ZNF2: variants seen among roughly 807,000 people sequenced by gnomAD.
ZNF2 encodes zinc finger protein 2.2.
In ZNF2, 12 loss-of-function variants were observed where a neutral mutation model predicts 21.9. The observed-to-expected ratio is 0.55, with a 90% CI of 0.35 to 0.89. ZNF2 has a LOEUF of 0.89. Among genes scored for constraint, ZNF2 ranks in the 40% least tolerant of loss-of-function variants. The pLI, the probability that ZNF2 is intolerant of heterozygous loss-of-function variation, is 0.01. For synonymous variants in ZNF2, 186 were observed against 196.3 expected, an observed-to-expected ratio of 0.95 and a Z score of 0.44; for missense variants, 462 against 544.2, an observed-to-expected ratio of 0.85 and a Z score of 1.50.
intron 3 of ZNF2, among the ~76,000 whole-genome samples, chr2:95,179,546 C>T (rs1047597092): frequency 4.6e-5 from 7 of 152,186 alleles, no homozygotes; most frequent in East Asian, 1.9e-4. Context: ...CCTAAGCCAA[C>T]GACCTTCATC....
At chr2:95,175,411 C>T (rs1217845152) in intron 1 of ZNF2, among the ~76,000 whole-genome samples, 1 of 152,136 alleles carries the variant, frequency 6.6e-6, no homozygotes, top group Non-Finnish European at 1.5e-5. Context: ...GATGGGACTG[C>T]GCTGGGCTTC....
chr2:95,167,430 C>T (rs1370078526), intron 1 of ZNF2, among the ~76,000 whole-genome samples: 8 of 148,584 alleles, frequency 5.4e-5, no homozygotes, highest in Admixed American at 1.4e-4. Flanking sequence ...GGCATGAACC[C>T]GGCAGGCGGA....
intron 1 of ZNF2, among the ~76,000 whole-genome samples, chr2:95,172,185 G>A (rs1573395175): frequency 6.6e-6 from 1 of 152,168 alleles, no homozygotes; most frequent in East Asian, 1.9e-4. Context: ...GGCACCGTCT[G>A]CCTAACACAT....
chr2:95,166,282 T>C (rs1674034251), intron 1 of ZNF2, among the ~76,000 whole-genome samples: 1 of 151,684 alleles, frequency 6.6e-6, no homozygotes, highest in African/African-American at 2.4e-5. Flanking sequence ...GAGGGCTTCA[T>C]GGAGGAGGTG....
At chr2:95,180,515 T>C (rs990709782) in intron 4 of ZNF2, among the ~76,000 whole-genome samples, 2 of 151,354 alleles carry the variant, frequency 1.3e-5, no homozygotes, top group Admixed American at 1.3e-4. Context: ...CTATTTCTTT[T>C]TTTTTTTTTT....
At position 95,181,715 on chromosome 2, in the gene ZNF2, A is replaced by G; in HGVS notation, c.887A>G (p.Gln296Arg). ...ECHQCGKAFS[Q>R]KSILTRHQLI... is the part of the protein sequence containing the mutation. The stretch of plus-strand genomic sequence containing the variant: ...CATCAGTGTGGGAAAGCCTTTAGCC[A>G]GAAAAGTATTCTTACTCGCCATCAG... Residue 296 changes from glutamine to arginine, a missense_variant, in exon 5 of 5, where the codon CAG becomes CGG. Gln to Arg is a conservative substitution (Grantham distance 43). Coordinates refer to ENST00000614034, the MANE Select transcript of ZNF2 (RefSeq NM_021088.4). The G allele has an allele frequency of 6.2e-7, 1 of 1,614,244 alleles. No individual in the cohort carries two copies. Among genetic ancestry groups the G allele is most frequent in the Non-Finnish European group, 8.5e-7 (1 of 1,180,044 alleles).
chr2:95,178,139 C>T (rs1674511289), intron 3 of ZNF2, among the ~76,000 whole-genome samples: 1 of 152,184 alleles, frequency 6.6e-6, no homozygotes, highest in African/African-American at 2.4e-5. Flanking sequence ...TCACAGAAGA[C>T]ACTTTGTAAT....
chr2:95,180,400 A>G, intron 4 of ZNF2, 128 bp downstream of exon 4: 1 of 618,402 alleles, frequency 1.6e-6, no homozygotes, highest in East Asian at 2.8e-5. Flanking sequence ...ATTGTATATC[A>G]CCCAATAGCT....
intron 2 of ZNF2, among the ~76,000 whole-genome samples, chr2:95,176,964 T>G (rs1032663530): frequency 2.0e-5 from 3 of 152,202 alleles, no homozygotes; most frequent in African/African-American, 7.2e-5. Context: ...GATTGTAGAT[T>G]AGATAATAGT....
chr2:95,178,828 C>A (rs1674536819), intron 3 of ZNF2, among the ~76,000 whole-genome samples: 2 of 152,024 alleles, frequency 1.3e-5, no homozygotes, highest in African/African-American at 4.8e-5. Context: ...TAAGGGAATT[C>A]ATTAAATAAA....
intron 1 of ZNF2, among the ~76,000 whole-genome samples, chr2:95,167,568 C>T (rs1167005057): frequency 1.3e-5 from 2 of 150,494 alleles, no homozygotes; most frequent in Non-Finnish European, 3.0e-5. Flanking sequence ...CATTGGTAGG[C>T]CAGGTGCGGT....
chr2:95,173,451 G>A (rs2104500290), intron 1 of ZNF2, among the ~76,000 whole-genome samples: 1 of 152,280 alleles, frequency 6.6e-6, no homozygotes, highest in Non-Finnish European at 1.5e-5. Context: ...TAGTCTATTG[G>A]TCTGTAATTG....
At chr2:95,177,690 T>C in intron 3 of ZNF2, 81 bp downstream of exon 3, 1 of 1,501,388 alleles carries the variant, frequency 6.7e-7, no homozygotes, top group Middle Eastern at 2.0e-4. Flanking sequence ...AATACCGTTC[T>C]CCTCCCCGCT....
Position 95,181,997 on chromosome 2 carries a change from T to C in ZNF2, c.1169T>C (p.Val390Ala). Residue 390 changes from valine to alanine, a missense_variant, in exon 5 of 5, where the codon GTC becomes GCC. Transcript: ENST00000614034. ...QRCRLTRHQR[V>A]HTGEKPFECT... ...TGCCGGCTCACGCGGCATCAGCGTGTCCACACGGGAGAGAAGCCCTTTGAA... is the reference window on the plus strand; with the variant it reads ...TGCCGGCTCACGCGGCATCAGCGTGCCCACACGGGAGAGAAGCCCTTTGAA... 2 of 1,614,282 alleles carry C rather than the reference T, an allele frequency of 1.2e-6. No individual in the cohort carries two copies. The highest frequency in any genetic ancestry group is 1.7e-6 in the Non-Finnish European group (2 of 1,180,052).
rs998203730 is a variant in ZNF2 at position 95,183,271 on chromosome 2, C to T, written c.*1165C>T. 6.6e-6 allele frequency: 1 copy of T among 152,190 alleles called. No homozygotes were observed. Among genetic ancestry groups the T allele is most frequent in the African/African-American group, 2.4e-5 (1 of 41,442 alleles). The allele number at this position is 152,190 out of a possible 1,614,324, so 9.4% of individuals were successfully genotyped here. On this transcript the variant is annotated 3_prime_UTR_variant, in exon 5 of 5. Transcript: ENST00000614034. The stretch of plus-strand genomic sequence containing the variant: ...GTCACCACAAGGGCGGAAGAGAAAG[C>T]TAGAGGAATTTGTAGGATATTTTCT...
chr2:95,176,199 T>C lies in ZNF2; in HGVS notation c.-28T>C. The C allele has an allele frequency of 6.2e-7, 1 of 1,614,158 alleles. No homozygotes were observed. Among genetic ancestry groups the C allele is most frequent in the Non-Finnish European group, 8.5e-7 (1 of 1,180,022 alleles). ...TTCTGCCTCATTAGGACTCTGCCCT[T>C]GTCCACAAGGAGAGCACACAGGAGA... On this transcript the variant is annotated 5_prime_UTR_variant, in exon 2 of 5. Coordinates refer to ENST00000614034, the MANE Select transcript of ZNF2 (RefSeq NM_021088.4).
Position 95,180,191 on chromosome 2 carries a change from CAATTG to C in ZNF2, c.196_200del (p.Leu66GlufsTer14). ...AGTTCCTCAACCTGATGTGATTTTC[CAATTG>C]AAGAGAGGGGACAAGCCGTGGATGG... On this transcript the variant is annotated frameshift_variant, in exon 4 of 5. Transcript: ENST00000614034. LOFTEE classifies it high-confidence loss of function. The C allele has an allele frequency of 6.2e-7, 1 of 1,614,008 alleles. No individual in the cohort carries two copies. Among genetic ancestry groups the C allele is most frequent in the Non-Finnish European group, 8.5e-7 (1 of 1,179,948 alleles).
intron 3 of ZNF2, among the ~76,000 whole-genome samples, chr2:95,178,225 T>A (rs1315070886): frequency 6.6e-6 from 1 of 152,166 alleles, no homozygotes; most frequent in Non-Finnish European, 1.5e-5. Flanking sequence ...AAAGTTGGGC[T>A]CCTGGAGGTT....
rs796645698 is a variant in ZNF2, at chr2:95,172,618, G to T, written c.-39-3570G>T. Among the ~76,000 whole-genome samples the T allele has an allele frequency of 2.0e-5, 3 of 150,174 alleles. No individual in the cohort carries two copies. The South Asian group carries it at 6.3e-4, about 31-fold the overall frequency. Reference sequence around the variant, plus strand: ...AATTTTAAAAGTGTGCATTCTTCAAGTGTTTTGAATTTCTTTGTGGTTTTT... The same window carrying T: ...AATTTTAAAAGTGTGCATTCTTCAATTGTTTTGAATTTCTTTGTGGTTTTT... On this transcript the variant is annotated intron_variant, in intron 1 of 4. Transcript: ENST00000614034.
Sources: allele counts gnomAD v4.1 joint callset (sites outside exome capture counted in the v4.1 genomes callset), GRCh38; gene constraint gnomAD v4.1.1; transcripts MANE v1.5; gene names NCBI Gene and HGNC (gene_info 2026-07-23, HGNC 2026-07-21).